The following ZFAND2B variants were observed in gnomAD, a reference collection of about 807,000 sequenced individuals.
ZFAND2B encodes the protein AN1-type zinc finger protein 2B.
A neutral mutation model predicts 38.2 loss-of-function variants in ZFAND2B; 27 were observed. That is an observed-to-expected ratio of 0.71 (90% CI 0.52 to 0.97). ZFAND2B has a LOEUF of 0.97. Among genes scored for constraint, ZFAND2B ranks in the 50% least tolerant of loss-of-function variants. The pLI, the probability that ZFAND2B is intolerant of heterozygous loss-of-function variation, is 0.00. For missense variants in ZFAND2B, 303 were observed against 331.5 expected, an observed-to-expected ratio of 0.91 and a Z score of 0.67; for synonymous variants, 111 against 119.4, an observed-to-expected ratio of 0.93 and a Z score of 0.46.
chr2:219,208,835 C>G (rs1285973974), intron 7 of ZFAND2B, 142 bp from the exon 8 acceptor site: 62 of 1,064,134 alleles, frequency 5.8e-5, no homozygotes, highest in South Asian at 4.3e-4. Flanking sequence ...GGGGACAATA[C>G]TAATACCCAC....
At position 219,207,641 on chromosome 2, in the gene ZFAND2B, A is replaced by G. The variant is rs777723564; in HGVS notation, c.151-7A>G. On this transcript the variant is annotated splice_polypyrimidine_tract_variant and splice_region_variant and intron_variant, in intron 2 of 8. Transcript: ENST00000289528. Reference sequence around the variant, plus strand: ...GCCACAGACTGACCCTTGCTCCTTGACTACAGGATATCCAGGTACCTGTGT... The same window carrying G: ...GCCACAGACTGACCCTTGCTCCTTGGCTACAGGATATCCAGGTACCTGTGT... The G allele has an allele frequency of 6.2e-7, 1 of 1,614,074 alleles. No individual in the cohort carries two copies. The highest frequency in any genetic ancestry group is 1.7e-5 in the Admixed American group (1 of 60,018).
At chr2:219,208,783 CA>C in intron 7 of ZFAND2B, 144 bp downstream of exon 7, 1 of 1,109,588 alleles carries the variant, frequency 9.0e-7, no homozygotes. Context: ...TGATCTTTGA[CA>C]AGTTATTTAA....
chr2:219,208,839 T>C, intron 7 of ZFAND2B, 138 bp from the exon 8 acceptor site: 2 of 1,063,384 alleles, frequency 1.9e-6, no homozygotes, highest in Non-Finnish European at 1.4e-6. Context: ...ACAATACTAA[T>C]ACCCACCTTG....
In ZFAND2B at chr2:219,209,588, T is replaced by A; in HGVS notation, c.*282T>A. On this transcript the variant is annotated 3_prime_UTR_variant, in exon 9 of 9. Transcript: ENST00000289528. ...CTCCCTTATGCTGGAGCTGCCCCGA[T>A]GTGGAGTGGGCAGGAAGGGGCCTGG... The A allele has an allele frequency of 2.9e-6, 2 of 679,198 alleles. No homozygotes were observed. The highest frequency in any genetic ancestry group is 1.5e-5 in the South Asian group (1 of 66,326). The allele number at this position is 679,198 out of a possible 1,614,324, so 42.1% of individuals were successfully genotyped here. A position where few individuals can be genotyped will look rare whatever the true frequency, so the allele number is the denominator to read the frequency against.
intron 1 of ZFAND2B, 50 bp from the exon 2 acceptor site, chr2:219,207,277 G>A: frequency 6.3e-7 from 1 of 1,579,256 alleles, no homozygotes; most frequent in Non-Finnish European, 8.7e-7. Flanking sequence ...GAGTGAGAGA[G>A]AAGGACATCG....
chr2:219,209,142 G>A, intron 8 of ZFAND2B, 93 bp downstream of exon 8: 1 of 1,582,646 alleles, frequency 6.3e-7, no homozygotes, highest in East Asian at 2.2e-5. Flanking sequence ...TTTTGGAATG[G>A]TGGTTATCGT....
In ZFAND2B at chr2:219,209,475, A is replaced by T. The variant is rs1348122008; in HGVS notation, c.*169A>T. ...AAGGCCTTGCTAGTGCTCCAGCTGC[A>T]TGGAAGAGAGCGGCTAGCAACTGTT... is the stretch of plus-strand genomic sequence containing the variant. On this transcript the variant is annotated 3_prime_UTR_variant, in exon 9 of 9. Transcript: ENST00000289528. The T allele has an allele frequency of 2.4e-6, 2 of 817,374 alleles. No individual in the cohort carries two copies. Among genetic ancestry groups the T allele is most frequent in the Admixed American group, 2.0e-5 (1 of 49,888 alleles). 50.6% of individuals were successfully genotyped at this position (817,374 alleles called of 1,614,324 possible).
chr2:219,206,820 G>A lies in ZFAND2B; in HGVS notation c.-168G>A, dbSNP rs989328471. 2 of 649,980 alleles carry A rather than the reference G, an allele frequency of 3.1e-6. No homozygotes were observed. Among genetic ancestry groups the A allele is most frequent in the East Asian group, 3.6e-5 (1 of 27,700 alleles). 40.3% of individuals were successfully genotyped at this position (649,980 alleles called of 1,614,324 possible). On this transcript the variant is annotated 5_prime_UTR_variant, in exon 1 of 9. Transcript: ENST00000289528. ...GCGCGCCGAGGGAGGAGCGGGCGCC[G>A]GGGGCCGGCTGGCGCGGGGGCTCCG...
Position 219,208,590 on chromosome 2 carries a change from C to T in ZFAND2B, c.607C>T (p.Gln203Ter). The T allele has an allele frequency of 6.2e-7, 1 of 1,614,172 alleles. No homozygotes were observed. The highest frequency in any genetic ancestry group is 8.5e-7 in the Non-Finnish European group (1 of 1,180,010). Reference sequence around the variant, plus strand: ...TTTGTAGAGTGAGGATGAAGCTCTGCAGCGGGCCCTGGAAATGTCCCTGGC... The same window carrying T: ...TTTGTAGAGTGAGGATGAAGCTCTGTAGCGGGCCCTGGAAATGTCCCTGGC... ...QNGLSEDEAL[Q>*]RALEMSLAET... is the part of the protein sequence containing the mutation. Residue 203 changes from glutamine (Q) to a stop codon, truncating the protein, a stop_gained, in exon 7 of 9, where the codon CAG (glutamine) becomes TAG (stop). Coordinates refer to ENST00000289528, the MANE Select transcript of ZFAND2B (RefSeq NM_138802.3). LOFTEE classifies it high-confidence loss of function.
chr2:219,209,613 G>A lies in ZFAND2B; in HGVS notation c.*307G>A, dbSNP rs1559233431. ...TGTGGAGTGGGCAGGAAGGGGCCTG[G>A]AAAAAATAAAGGATCTTGGCAGTTG... On this transcript the variant is annotated 3_prime_UTR_variant, in exon 9 of 9. Transcript: ENST00000289528. The A allele has an allele frequency of 1.5e-6, 1 of 648,896 alleles. No homozygotes were observed. The highest frequency in any genetic ancestry group is 2.9e-6 in the Non-Finnish European group (1 of 346,800). 40.2% of individuals were successfully genotyped at this position (648,896 alleles called of 1,614,324 possible).
Position 219,208,047 on chromosome 2 carries a change from A to G in ZFAND2B, c.434+9A>G. On this transcript the variant is annotated intron_variant, in intron 4 of 8. Transcript: ENST00000289528. Reference sequence around the variant, plus strand: ...CCAACCAGCCGGGCAGGGTAATGGCAGCCAAGTCCTCCACTTGCTTTTGGG... The same window carrying G: ...CCAACCAGCCGGGCAGGGTAATGGCGGCCAAGTCCTCCACTTGCTTTTGGG... The G allele has an allele frequency of 1.2e-6, 2 of 1,613,768 alleles. No homozygotes were observed. The highest frequency in any genetic ancestry group is 1.7e-6 in the Non-Finnish European group (2 of 1,180,010).
intron 4 of ZFAND2B, 91 bp downstream of exon 4, chr2:219,208,129 C>T (rs1950517037): frequency 6.2e-7 from 1 of 1,604,656 alleles, no homozygotes; most frequent in Non-Finnish European, 8.5e-7. Context: ...GAGCTTCAAC[C>T]CTACCCTGTC....
chr2:219,207,956 T>G lies in ZFAND2B; in HGVS notation c.352T>G (p.Cys118Gly), dbSNP rs1242816587. The change falls in exon 4 of 9, where the codon TGT becomes GGT. Residue 118 changes from cysteine (C) to glycine (G), a missense_variant. Transcript: ENST00000289528. ...REMMKLTCER[C>G]SRNFCIKHRH... ...AATGATGAAACTGACCTGTGAACGCTGTAGCCGAAACTTCTGCATCAAGCA... is the reference window on the plus strand; with the variant it reads ...AATGATGAAACTGACCTGTGAACGCGGTAGCCGAAACTTCTGCATCAAGCA... The G allele has an allele frequency of 6.2e-7, 1 of 1,614,154 alleles. No individual in the cohort carries two copies. Among genetic ancestry groups the G allele is most frequent in the Non-Finnish European group, 8.5e-7 (1 of 1,180,028 alleles).
At position 219,207,921 on chromosome 2, in the gene ZFAND2B, G is replaced by C; in HGVS notation, c.317G>C (p.Arg106Pro). Residue 106 changes from arginine (R) to proline (P), a missense_variant, in exon 4 of 9, where the codon CGG becomes CCG. Physicochemically the swap from Arg to Pro is moderately radical, Grantham distance 103 (BLOSUM62 -2). Coordinates refer to ENST00000289528, the MANE Select transcript of ZFAND2B (RefSeq NM_138802.3). ...FTNKCERAGC[R>P]QREMMKLTCE... ...AATAAGTGTGAACGCGCTGGCTGCC[G>C]GCAGCGAGAAATGATGAAACTGACC... 1.2e-6 allele frequency: 2 copies of C among 1,614,082 alleles called. No individual in the cohort carries two copies. The highest frequency in any genetic ancestry group is 8.5e-7 in the Non-Finnish European group (1 of 1,180,018).
Position 219,207,059 on chromosome 2 carries a change from G to C in ZFAND2B, c.55+17G>C, listed in dbSNP as rs1444649805. On this transcript the variant is annotated intron_variant, in intron 1 of 8. Transcript: ENST00000289528. ...AGCGCTTGGGTGAGGGGCGGAGCGC[G>C]CGGGGGGCGGGGCCCAGCGGACAGG... The C allele has an allele frequency of 1.9e-6, 3 of 1,591,532 alleles. No individual in the cohort carries two copies. Among genetic ancestry groups the C allele is most frequent in the Admixed American group, 1.7e-5 (1 of 57,392 alleles).
At chr2:219,207,152 G>A in intron 1 of ZFAND2B, 110 bp downstream of exon 1, 1 of 717,352 alleles carries the variant, frequency 1.4e-6, no homozygotes, top group Non-Finnish European at 2.3e-6. Context: ...GGCGGGGCTT[G>A]AAGCTGGGGG....
chr2:219,207,268 AGT>A (rs1950499673), intron 1 of ZFAND2B, 57 bp from the exon 2 acceptor site: 1 of 1,558,600 alleles, frequency 6.4e-7, no homozygotes, highest in Non-Finnish European at 8.9e-7. Flanking sequence ...GGAAGACTTG[AGT>A]GAGAGAGAAG....
In ZFAND2B at chr2:219,206,806, G is replaced by C; in HGVS notation, c.-182G>C. The C allele has an allele frequency of 1.8e-6, 1 of 556,728 alleles. No individual in the cohort carries two copies. Among genetic ancestry groups the C allele is most frequent in the South Asian group, 3.7e-5 (1 of 26,772 alleles). 34.5% of individuals were successfully genotyped at this position (556,728 alleles called of 1,614,324 possible). A position where few individuals can be genotyped will look rare whatever the true frequency, so the allele number is the denominator to read the frequency against. On this transcript the variant is annotated 5_prime_UTR_variant, in exon 1 of 9. Coordinates refer to ENST00000289528, the MANE Select transcript of ZFAND2B (RefSeq NM_138802.3). ...CGTCAGCGCGCCGCGCGCGCCGAGG[G>C]AGGAGCGGGCGCCGGGGGCCGGCTG...
intron 1 of ZFAND2B, 136 bp downstream of exon 1, chr2:219,207,178 A>G (rs1193069985): frequency 1.5e-6 from 2 of 1,298,898 alleles, no homozygotes; most frequent in African/African-American, 3.1e-5. Flanking sequence ...GGTCAGCGGC[A>G]GAGGGGGCGT....
Sources: gnomAD v4.1 joint callset for allele counts on GRCh38, gnomAD v4.1.1 for gene constraint, MANE v1.5 for transcripts, NCBI Gene and HGNC (gene_info 2026-07-23, HGNC 2026-07-21) for gene names.